The following NRG3 variants were observed in gnomAD, a reference collection of about 807,000 sequenced individuals.
The protein encoded by NRG3 is neuregulin 3, also known as pro-neuregulin-3, membrane-bound isoform.
NRG3 carries 31 observed loss-of-function variants against 66.9 expected under a neutral mutation model. The observed-to-expected ratio is 0.46, with a 90% CI of 0.35 to 0.63. NRG3 has a LOEUF of 0.63. Among genes scored for constraint, NRG3 ranks in the 20% least tolerant of loss-of-function variants. NRG3 has a pLI of 0.00. For synonymous variants in NRG3, 393 were observed against 359.4 expected (o/e 1.09, Z -1.06); for missense variants, 910 against 878.9 (o/e 1.04, Z -0.45).
intron 1 of NRG3, among the ~76,000 whole-genome samples, chr10:82,343,307 C>A (rs1250736186): frequency 6.6e-6 from 1 of 151,982 alleles, no homozygotes; most frequent in Non-Finnish European, 1.5e-5. Flanking sequence ...ATCCTATTTA[C>A]AATCGTTACA....
Position 81,875,936 on chromosome 10 carries a change from C to A in NRG3, c.596C>A (p.Pro199Gln), listed in dbSNP as rs946655999. The A allele has an allele frequency of 6.2e-7, 1 of 1,613,636 alleles. No homozygotes were observed. The highest frequency in any genetic ancestry group is 8.5e-7 in the Non-Finnish European group (1 of 1,180,036). Residue 199 changes from proline to glutamine, a missense_variant, in exon 1 of 9, where the codon CCG (proline) becomes CAG (glutamine). Physicochemically the swap from Pro to Gln is moderately conservative, Grantham distance 76. Coordinates refer to ENST00000372141, the MANE Select transcript of NRG3 (RefSeq NM_001010848.4). The surrounding 1 kb of genome is among the most constrained non-coding windows in gnomAD (Gnocchi z 5.3). ...GCGACGGTCCCGTCCACCACGGCCCCGTTCTTCAGTAGCAGCACGCTGGGC... is the reference window on the plus strand; with the variant it reads ...GCGACGGTCCCGTCCACCACGGCCCAGTTCTTCAGTAGCAGCACGCTGGGC... ...APATVPSTTA[P>Q]FFSSSTLGSR...
At chr10:82,530,518 A>T (rs1847144348) in intron 2 of NRG3, among the ~76,000 whole-genome samples, 1 of 151,978 alleles carries the variant, frequency 6.6e-6, no homozygotes, top group Non-Finnish European at 1.5e-5. Flanking sequence ...TGGCAAATCA[A>T]TGTTAAGTGT....
At chr10:82,980,579 C>T (rs1177951116) in intron 8 of NRG3, among the ~76,000 whole-genome samples, 1 of 152,158 alleles carries the variant, frequency 6.6e-6, no homozygotes. Flanking sequence ...CAGAGCCTCA[C>T]GTTTCTCTTT....
intron 1 of NRG3, among the ~76,000 whole-genome samples, chr10:82,084,118 C>T (rs1057119998): frequency 7.2e-5 from 11 of 152,004 alleles, no homozygotes; most frequent in Non-Finnish European, 1.3e-4. Flanking sequence ...GTCCCAGCTA[C>T]TCAGGAGGCT....
chr10:82,400,844 G>A (rs1190659961), intron 2 of NRG3, among the ~76,000 whole-genome samples: 5 of 152,118 alleles, frequency 3.3e-5, no homozygotes, highest in Admixed American at 2.6e-4. Context: ...CAAAGTACTG[G>A]AATTAACCAG....
chr10:82,083,396 G>A (rs766662932), intron 1 of NRG3, among the ~76,000 whole-genome samples: 79 of 152,162 alleles, frequency 5.2e-4, no homozygotes, highest in Non-Finnish European at 1.2e-4. Flanking sequence ...CCTGAGTGGT[G>A]CAACTACATG....
At chr10:82,853,122 C>T (rs1342957388) in intron 3 of NRG3, among the ~76,000 whole-genome samples, 1 of 152,046 alleles carries the variant, frequency 6.6e-6, no homozygotes, top group Non-Finnish European at 1.5e-5. Context: ...TATATAATTC[C>T]AAATATGGAG....
chr10:82,516,970 T>C (rs1167825608), intron 2 of NRG3, among the ~76,000 whole-genome samples: 2 of 152,198 alleles, frequency 1.3e-5, no homozygotes, highest in Non-Finnish European at 2.9e-5. Context: ...AAAGCATATA[T>C]GAAACAATGC....
chr10:82,895,380 G>A (rs566976570), intron 4 of NRG3, among the ~76,000 whole-genome samples: 2 of 151,844 alleles, frequency 1.3e-5, no homozygotes, highest in African/African-American at 4.8e-5. Flanking sequence ...TCCTGGGAAG[G>A]CTAATCATAG....
chr10:81,910,270 A>G (rs963108846), intron 1 of NRG3, among the ~76,000 whole-genome samples: 3 of 152,178 alleles, frequency 2.0e-5, no homozygotes, highest in African/African-American at 4.8e-5. Flanking sequence ...TCTAGCTTGC[A>G]GAGAAGAGTA....
At chr10:82,193,299 T>G (rs1483884447) in intron 1 of NRG3, among the ~76,000 whole-genome samples, 1 of 152,106 alleles carries the variant, frequency 6.6e-6, no homozygotes, top group African/African-American at 2.4e-5. Flanking sequence ...TGTGCCACCA[T>G]GCCCGGCTAA....
chr10:82,263,585 ATCTTT>A (rs2078145293), intron 1 of NRG3, among the ~76,000 whole-genome samples: 1 of 152,068 alleles, frequency 6.6e-6, no homozygotes, highest in African/African-American at 2.4e-5. Flanking sequence ...ATAACCTATA[ATCTTT>A]TCTTTTTATA....
Position 82,037,898 on chromosome 10 carries a change from G to C in NRG3, c.823+161735G>C, listed in dbSNP as rs150652334. Among the ~76,000 whole-genome samples the C allele has an allele frequency of 3.8e-3, 578 of 152,052 alleles. 3 individuals carry two copies. Among genetic ancestry groups the C allele is most frequent in the African/African-American group, 0.013 (552 of 41,496 alleles). On this transcript the variant is annotated intron_variant, in intron 1 of 8. Transcript: ENST00000372141. ...TCCTAAGTAAGTCAACTTCGTAAGGGTTGGGTCTCTGTGGCATACAGAAGG... is the reference window on the plus strand; with the variant it reads ...TCCTAAGTAAGTCAACTTCGTAAGGCTTGGGTCTCTGTGGCATACAGAAGG...
intron 1 of NRG3, among the ~76,000 whole-genome samples, chr10:82,286,838 G>C (rs530076169): frequency 6.6e-6 from 1 of 152,178 alleles, no homozygotes; most frequent in South Asian, 2.1e-4. Flanking sequence ...TGCCCACCTC[G>C]GCCTTCCAAA....
chr10:82,318,962 T>G (rs2081424524), intron 1 of NRG3, among the ~76,000 whole-genome samples: 1 of 152,150 alleles, frequency 6.6e-6, no homozygotes, highest in African/African-American at 2.4e-5. Context: ...AAATAATAAA[T>G]ACCAGGCTTT....
intron 1 of NRG3, among the ~76,000 whole-genome samples, chr10:82,169,520 A>T (rs1337039481): frequency 6.6e-6 from 1 of 150,762 alleles, no homozygotes; most frequent in Non-Finnish European, 1.5e-5. Flanking sequence ...TTATTTTTTT[A>T]TTATACTTTG....
chr10:82,411,332 T>G (rs1224191656), intron 2 of NRG3, among the ~76,000 whole-genome samples: 3 of 152,062 alleles, frequency 2.0e-5, no homozygotes, highest in African/African-American at 7.2e-5. Flanking sequence ...AAAGACTGAT[T>G]TTACCAAATG....
intron 4 of NRG3, among the ~76,000 whole-genome samples, chr10:82,882,616 A>G (rs1842404125): frequency 6.6e-6 from 1 of 152,202 alleles, no homozygotes; most frequent in Non-Finnish European, 1.5e-5. Context: ...TTTAGGTCTC[A>G]AAAGTGATAT....
At chr10:82,979,230 G>A in intron 8 of NRG3, 110 bp downstream of exon 8, 1 of 1,097,414 alleles carries the variant, frequency 9.1e-7, no homozygotes, top group Non-Finnish European at 1.3e-6. Context: ...TCATTAACTG[G>A]CTATATATGC....
Sources: gnomAD v4.1 joint callset for allele counts (sites outside exome capture counted in the v4.1 genomes callset) on GRCh38, gnomAD v4.1.1 for gene constraint, Gnocchi (gnomAD v3.1) non-coding constraint, MANE v1.5 for transcripts, NCBI Gene and HGNC (gene_info 2026-07-23, HGNC 2026-07-21) for gene names.